The following MAML2 variants were observed in gnomAD, a reference collection of about 807,000 sequenced individuals.
MAML2 encodes the protein mastermind-like protein 2.
MAML2 carries 22 observed loss-of-function variants against 96.1 expected under a neutral mutation model. The observed-to-expected ratio is 0.23, with a 90% CI of 0.16 to 0.33. MAML2 has a LOEUF of 0.33. Among genes scored for constraint, MAML2 ranks in the 10% least tolerant of loss-of-function variants. The pLI is 1.00. For synonymous variants in MAML2, 561 were observed against 521.3 expected (o/e 1.08, Z -1.04); for missense variants, 1,367 against 1,392.4 (o/e 0.98, Z 0.29).
chr11:96,157,906 C>A (rs562921621), intron 1 of MAML2, among the ~76,000 whole-genome samples: 4 of 152,234 alleles, frequency 2.6e-5, no homozygotes, highest in Admixed American at 2.0e-4. Context: ...ATTTTGTTTT[C>A]TTTTCCTTTC....
intron 1 of MAML2, among the ~76,000 whole-genome samples, chr11:96,206,792 C>G (rs1861901971): frequency 6.6e-6 from 1 of 151,928 alleles, no homozygotes; most frequent in Non-Finnish European, 1.5e-5. Context: ...TTGGAGCAGC[C>G]CTGCAACTCC....
At chr11:96,313,043 G>C (rs1863566598) in intron 1 of MAML2, among the ~76,000 whole-genome samples, 1 of 152,190 alleles carries the variant, frequency 6.6e-6, no homozygotes, top group African/African-American at 2.4e-5. Flanking sequence ...AAGATAGTGA[G>C]TACTTGAATG....
chr11:96,008,081 A>C (rs1769729325), intron 2 of MAML2, among the ~76,000 whole-genome samples: 1 of 152,242 alleles, frequency 6.6e-6, no homozygotes, highest in Non-Finnish European at 1.5e-5. Context: ...CATATCATAT[A>C]ACAACATGTT....
chr11:96,210,803 C>A (rs1424703416), intron 1 of MAML2, among the ~76,000 whole-genome samples: 1 of 152,148 alleles, frequency 6.6e-6, no homozygotes, highest in Non-Finnish European at 1.5e-5. Flanking sequence ...TAACTGCATA[C>A]CATGATACTT....
chr11:96,153,544 CA>C (rs1284733664), intron 1 of MAML2, among the ~76,000 whole-genome samples: 9 of 152,140 alleles, frequency 5.9e-5, no homozygotes, highest in African/African-American at 2.2e-4. Flanking sequence ...AGGTTTTTGA[CA>C]TTCTCTCAAA....
intron 1 of MAML2, among the ~76,000 whole-genome samples, chr11:96,180,737 C>T (rs954459086): frequency 6.6e-6 from 1 of 152,140 alleles, no homozygotes. Context: ...GGAACTGGTA[C>T]CTTCATGTGT....
At chr11:96,179,346 G>A (rs2040394909) in intron 1 of MAML2, among the ~76,000 whole-genome samples, 1 of 152,206 alleles carries the variant, frequency 6.6e-6, no homozygotes, top group Non-Finnish European at 1.5e-5. Flanking sequence ...CAATATCAAA[G>A]AGAAAAATAT....
chr11:96,010,030 G>A lies in MAML2; in HGVS notation c.2140-18307C>T, dbSNP rs11021384. 6.5e-3 allele frequency among the ~76,000 whole-genome samples: 988 copies of A among 152,228 alleles called. 5 individuals carry two copies. The highest frequency in any genetic ancestry group is 0.014 in the Middle Eastern group (4 of 294). On this transcript the variant is annotated intron_variant, in intron 2 of 4. Coordinates refer to ENST00000524717, the MANE Select transcript of MAML2 (RefSeq NM_032427.4). ...TGAATCAGGAACAATTTGGAGCTTC[G>A]GGAATGATCTACTTACTGCAAACTG... is the stretch of plus-strand genomic sequence containing the variant.
chr11:96,171,228 G>A (rs1946738013), intron 1 of MAML2, among the ~76,000 whole-genome samples: 2 of 152,122 alleles, frequency 1.3e-5, no homozygotes, highest in South Asian at 2.1e-4. Flanking sequence ...TGTGAGCTGA[G>A]AAGAATACAC....
intron 2 of MAML2, among the ~76,000 whole-genome samples, chr11:96,045,900 C>CCGT (rs558588171): frequency 4.3e-5 from 5 of 115,664 alleles, no homozygotes; most frequent in Non-Finnish European, 6.8e-5. Context: ...CAGCACACTT[C>CCGT]TGTTTTTTTT....
At chr11:96,013,923 G>C (rs1858303852) in intron 2 of MAML2, among the ~76,000 whole-genome samples, 1 of 152,230 alleles carries the variant, frequency 6.6e-6, no homozygotes, top group Admixed American at 6.5e-5. Context: ...CTGTCCTTGT[G>C]ATAAGGAAGG....
At position 96,069,164 on chromosome 11, in the gene MAML2, G is replaced by A. The variant is rs145111986; in HGVS notation, c.2139+22728C>T. Among the ~76,000 whole-genome samples the A allele has an allele frequency of 4.1e-3, 618 of 152,040 alleles. 6 individuals are homozygous for A. The highest frequency in any genetic ancestry group is 0.014 in the African/African-American group (586 of 41,494). On this transcript the variant is annotated intron_variant, in intron 2 of 4. Transcript: ENST00000524717. ...GCTGGTCTGTAACTTCTGGCCTCAG[G>A]CAATTTTCCCACCATGGTCTCCCAA...
chr11:96,024,182 C>T (rs1347891922), intron 2 of MAML2, among the ~76,000 whole-genome samples: 1 of 152,178 alleles, frequency 6.6e-6, no homozygotes, highest in Non-Finnish European at 1.5e-5. Flanking sequence ...GGGAAAGATA[C>T]TGTAGGTTGA....
intron 2 of MAML2, among the ~76,000 whole-genome samples, chr11:96,015,600 T>C (rs1215958925): frequency 3.0e-5 from 4 of 133,964 alleles, no homozygotes; most frequent in Non-Finnish European, 6.4e-5. Context: ...GGGGGGCAAT[T>C]CATGAAGACA....
chr11:96,264,951 A>G (rs1426784885), intron 1 of MAML2, among the ~76,000 whole-genome samples: 1 of 152,248 alleles, frequency 6.6e-6, no homozygotes, highest in Non-Finnish European at 1.5e-5. Flanking sequence ...GAGTTTGAAG[A>G]GCAAGACCTT....
At chr11:96,066,078 T>C (rs1319419815) in intron 2 of MAML2, among the ~76,000 whole-genome samples, 1 of 152,224 alleles carries the variant, frequency 6.6e-6, no homozygotes, top group Non-Finnish European at 1.5e-5. Flanking sequence ...ACCCCTCTTA[T>C]GGCTCTGGAG....
At position 96,152,429 on chromosome 11, in the gene MAML2, G is replaced by A. The variant is rs371532552; in HGVS notation, c.514-58912C>T. ...ACACCAGTTGAAGTTCTGTCCAAAT[G>A]TTTAAGTGTTAAAACTCTGCAGTTC... On this transcript the variant is annotated intron_variant, in intron 1 of 4. Transcript: ENST00000524717. Among the ~76,000 whole-genome samples, 20 of 152,238 alleles carry A rather than the reference G, an allele frequency of 1.3e-4. 1 individual carries two copies. The highest frequency in any genetic ancestry group is 1.0e-3 in the South Asian group (5 of 4,834).
At chr11:96,241,594 G>A (rs1216101609) in intron 1 of MAML2, among the ~76,000 whole-genome samples, 2 of 152,206 alleles carry the variant, frequency 1.3e-5, no homozygotes, top group Admixed American at 6.5e-5. Context: ...ATAGTGCCAC[G>A]GGTAAGAAAC....
chr11:96,262,316 T>G (rs1430903499), intron 1 of MAML2, among the ~76,000 whole-genome samples: 1 of 152,222 alleles, frequency 6.6e-6, no homozygotes, highest in Non-Finnish European at 1.5e-5. Context: ...ATAGATTAAT[T>G]TGACCCTCAG....
Sources: allele counts gnomAD v4.1 joint callset (sites outside exome capture counted in the v4.1 genomes callset), GRCh38; gene constraint gnomAD v4.1.1; transcripts MANE v1.5; gene names NCBI Gene and HGNC (gene_info 2026-07-23, HGNC 2026-07-21).